The following ITGA10 variants were observed in gnomAD, a reference collection of about 807,000 sequenced individuals.
The protein encoded by ITGA10 is integrin subunit alpha 10.
In ITGA10, 105 loss-of-function variants were observed where a neutral mutation model predicts 145.2. That is an observed-to-expected ratio of 0.72 (90% CI 0.62 to 0.85). ITGA10 has a LOEUF of 0.85. ITGA10 is among the 40% of genes least tolerant of loss of function. ITGA10 has a pLI of 0.00. For missense variants in ITGA10, 1,317 were observed against 1,444.5 expected (o/e 0.91, Z 1.43); for synonymous variants, 506 against 557.8 (o/e 0.91, Z 1.31).
At chr1:145,903,847 G>A (rs1228028152) in intron 7 of ITGA10, among the ~76,000 whole-genome samples, 1 of 151,922 alleles carries the variant, frequency 6.6e-6, no homozygotes, top group Non-Finnish European at 1.5e-5. Flanking sequence ...GCGCCACCAT[G>A]CCTGGCTAAT....
At chr1:145,905,026 A>ATATATATG (rs1293647533) in intron 5 of ITGA10, among the ~76,000 whole-genome samples, 17 of 152,050 alleles carry the variant, frequency 1.1e-4, no homozygotes, top group African/African-American at 4.1e-4. Flanking sequence ...ATATAAATGT[A>ATATATATG]TATATATGTA....
chr1:145,901,035 C>T lies in ITGA10; in HGVS notation c.1588-42G>A, dbSNP rs782796038. ...GATAGAAGATGCTAATCTGGCAGAC[C>T]CAACCTCTCAGCAAACCCTCAAATA... On this transcript the variant is annotated intron_variant, in intron 13 of 29. Coordinates refer to ENST00000369304, the MANE Select transcript of ITGA10 (RefSeq NM_003637.5). The surrounding 1 kb of genome is among the most constrained non-coding windows in gnomAD (Gnocchi z 4.3). 1.9e-6 allele frequency: 3 copies of T among 1,613,120 alleles called. No individual in the cohort carries two copies. The highest frequency in any genetic ancestry group is 2.5e-6 in the Non-Finnish European group (3 of 1,179,308).
Position 145,899,005 on chromosome 1 carries a change from C to G in ITGA10, c.2163G>C (p.Arg721Ser). The G allele has an allele frequency of 6.2e-7, 1 of 1,614,246 alleles. No individual in the cohort carries two copies. Among genetic ancestry groups the G allele is most frequent in the Non-Finnish European group, 8.5e-7 (1 of 1,180,048 alleles). ...TGAGCCGGAGCCTCCGAGGGGACAA[C>G]CTCTGGCCAGAGCCATCAAATGCTG... is the stretch of plus-strand genomic sequence containing the variant. ...ARAAFDGSGQ[R>S]LSPRRLRLSV... Residue 721 changes from arginine (R) to serine (S), a missense_variant, in exon 17 of 30, where the codon AGG (arginine) becomes AGC (serine). Transcript: ENST00000369304.
chr1:145,893,673 C>A, intron 27 of ITGA10, 38 bp from the exon 28 acceptor site: 5 of 1,503,688 alleles, frequency 3.3e-6, no homozygotes, highest in Non-Finnish European at 4.6e-6. Context: ...TTAAAATGAG[C>A]CATTATCAGG....
At position 145,902,958 on chromosome 1, in the gene ITGA10, T is replaced by C; in HGVS notation, c.762A>G (p.Thr254=). 2 of 1,595,838 alleles carry C rather than the reference T, an allele frequency of 1.3e-6. No individual in the cohort carries two copies. Among genetic ancestry groups the C allele is most frequent in the Middle Eastern group, 3.4e-4 (2 of 5,944 alleles). ...KTAQAIMVAC[T]EGFSQSHGGR... The stretch of plus-strand genomic sequence containing the variant: ...CCCCATGGGACTGACTGAACCCTTC[T>C]GTGCTGAGAAGAGAAAGGAGTGAGG... The change falls in exon 8 of 30, where the codon ACA becomes ACG. Residue 254 remains threonine (T), a synonymous_variant. Coordinates refer to ENST00000369304, the MANE Select transcript of ITGA10 (RefSeq NM_003637.5).
intron 24 of ITGA10, 68 bp from the exon 25 acceptor site, chr1:145,896,164 C>G: frequency 3.4e-6 from 5 of 1,488,180 alleles, no homozygotes; most frequent in Non-Finnish European, 4.7e-6. Context: ...TTCCCCTTCA[C>G]CCTAGATACC....
At position 145,893,551 on chromosome 1, in the gene ITGA10, G is replaced by A. The variant is rs373572723; in HGVS notation, c.3313C>T (p.Arg1105Cys). ...GSVLQLTEAS[R>C]WSESLLEVVQ... Reference sequence around the variant, plus strand: ...GTCTCCAGCCCTACCTCACTCCAACGGGAGGCTTCAGTCAGCTGTAGGACA... The same window carrying A: ...GTCTCCAGCCCTACCTCACTCCAACAGGAGGCTTCAGTCAGCTGTAGGACA... Residue 1105 changes from arginine (R) to cysteine (C), a missense_variant, in exon 28 of 30, where the codon CGT becomes TGT. Coordinates refer to ENST00000369304, the MANE Select transcript of ITGA10 (RefSeq NM_003637.5). 11 of 1,610,704 alleles carry A rather than the reference G, an allele frequency of 6.8e-6. No homozygotes were observed. The highest frequency in any genetic ancestry group is 2.2e-5 in the East Asian group (1 of 44,770).
chr1:145,902,296 A>G lies in ITGA10; in HGVS notation c.1099T>C (p.Ser367Pro). ...LEGSHAENES[S>P]FGLEMSQIGF... ...ATCTGAGACATTTCCAGCCCAAAGG[A>G]GCTTTCGTTTTCTGCATGGGACCCT... The change falls in exon 10 of 30, where the codon TCC becomes CCC. Residue 367 changes from serine (S) to proline (P), a missense_variant. By Grantham distance (74) the Ser-to-Pro change is moderately conservative. Transcript: ENST00000369304. 2 of 1,614,122 alleles carry G rather than the reference A, an allele frequency of 1.2e-6. No individual in the cohort carries two copies. The highest frequency in any genetic ancestry group is 1.7e-6 in the Non-Finnish European group (2 of 1,180,016).
intron 15 of ITGA10, 98 bp from the exon 16 acceptor site, chr1:145,899,439 G>C (rs2101783584): frequency 7.3e-7 from 1 of 1,372,104 alleles, no homozygotes; most frequent in East Asian, 2.3e-5. Context: ...AACAAAGAAG[G>C]AGGGGCTGAA....
intron 28 of ITGA10, 66 bp downstream of exon 28, chr1:145,893,474 G>T: frequency 7.7e-7 from 1 of 1,295,852 alleles, no homozygotes; most frequent in East Asian, 2.5e-5. Flanking sequence ...AAAAGCCCAC[G>T]GGTGGCCCTA....
Position 145,897,235 on chromosome 1 carries a change from A to C in ITGA10, c.2667+12T>G, listed in dbSNP as rs1553745514. ...TCCTAGAGCCCTCTTTTCATCCTAG[A>C]CCCCAACCCACCTTGGCTCCAGTCT... On this transcript the variant is annotated intron_variant, in intron 21 of 29. Coordinates refer to ENST00000369304, the MANE Select transcript of ITGA10 (RefSeq NM_003637.5). 6.2e-7 allele frequency: 1 copy of C among 1,613,118 alleles called. No homozygotes were observed.
chr1:145,901,896 C>G lies in ITGA10; in HGVS notation c.1275G>C (p.Gln425His). Residue 425 changes from glutamine (Q) to histidine (H), a missense_variant, in exon 11 of 30, where the codon CAG becomes CAC. Transcript: ENST00000369304. The surrounding 1 kb of genome is among the most constrained non-coding windows in gnomAD (Gnocchi z 4.3). ...ALEDEFPPALQNHAAYLGYSV... is the reference protein window; with the variant it reads ...ALEDEFPPALHNHAAYLGYSV... ...GCTCACCCAGGTAGGCTGCATGGTT[C>G]TGCAATGCAGGGGGGAACTCGTCTT... 3 of 1,614,126 alleles carry G rather than the reference C, an allele frequency of 1.9e-6. No individual in the cohort carries two copies. The South Asian group carries it at 3.3e-5, about 18-fold the overall frequency.
At position 145,897,389 on chromosome 1, in the gene ITGA10, T is replaced by C. The variant is rs782159402; in HGVS notation, c.2575-50A>G. Reference sequence around the variant, plus strand: ...AAGCTGGAGCTGGGGCTGCAACTGCTGTCCTACCCACAGCCTCTAAACACT... The same window carrying C: ...AAGCTGGAGCTGGGGCTGCAACTGCCGTCCTACCCACAGCCTCTAAACACT... On this transcript the variant is annotated intron_variant, in intron 20 of 29. Coordinates refer to ENST00000369304, the MANE Select transcript of ITGA10 (RefSeq NM_003637.5). The C allele has an allele frequency of 8.1e-6, 13 of 1,601,406 alleles. No individual in the cohort carries two copies. In the Admixed American group the frequency reaches 2.0e-4, roughly 25 times the overall value.
intron 5 of ITGA10, chr1:145,906,016 T>C (rs1657085488): frequency 5.2e-6 from 1 of 191,590 alleles, no homozygotes; most frequent in African/African-American, 2.4e-5. Flanking sequence ...ACCTCCTGGG[T>C]TGAAGTGAGA....
At chr1:145,902,359 A>C in intron 9 of ITGA10, 40 bp from the exon 10 acceptor site, 1 of 1,603,550 alleles carries the variant, frequency 6.2e-7, no homozygotes, top group Non-Finnish European at 8.5e-7. Context: ...TCAGGGGAAG[A>C]CAGTTTCCCC....
Position 145,907,106 on chromosome 1 carries a change from C to CT in ITGA10, c.208dup (p.Arg70LysfsTer24). ...TACAGGGCAGCGATAAACGTCCCCC[C>CT]TCCGGTCGCCTGAAGGCCCATCCCA... On this transcript the variant is annotated frameshift_variant, in exon 3 of 30. Coordinates refer to ENST00000369304, the MANE Select transcript of ITGA10 (RefSeq NM_003637.5). LOFTEE classifies it high-confidence loss of function. The CT allele has an allele frequency of 6.4e-7, 1 of 1,564,016 alleles. No homozygotes were observed. The highest frequency in any genetic ancestry group is 1.2e-5 in the South Asian group (1 of 84,950).
intron 1 of ITGA10, among the ~76,000 whole-genome samples, chr1:145,909,423 A>ATT (rs1553752467): frequency 0.059 from 8,198 of 138,948 alleles, 1,115 homozygotes; most frequent in African/African-American, 0.22. Context: ...AAATAATAAT[A>ATT]ATTATTATAT....
rs1553743603 is a variant in ITGA10, at chr1:145,892,800, A to G, written c.3502T>C (p.Ter1168ArgextTer2). 2.5e-6 allele frequency: 4 copies of G among 1,611,260 alleles called. No homozygotes were observed. Among genetic ancestry groups the G allele is most frequent in the Non-Finnish European group, 2.5e-6 (3 of 1,177,502 alleles). Reference sequence around the variant, plus strand: ...CTTTCTAGACCCTTATTCTACATTCATTGCTCCAACTTCTCTTCTCTTTTT... The same window carrying G: ...CTTTCTAGACCCTTATTCTACATTCGTTGCTCCAACTTCTCTTCTCTTTTT... ...EEKREEKLEQ* is the reference protein window; with the variant it reads ...EEKREEKLEQR The change falls in exon 30 of 30, where the codon TGA becomes CGA. Residue 1168 changes from the stop codon to arginine (R), a stop_lost. Coordinates refer to ENST00000369304, the MANE Select transcript of ITGA10 (RefSeq NM_003637.5).
At chr1:145,899,714 T>C (rs888553021) in intron 15 of ITGA10, among the ~76,000 whole-genome samples, 11 of 152,098 alleles carry the variant, frequency 7.2e-5, no homozygotes, top group Non-Finnish European at 1.3e-4. Flanking sequence ...TTTCACCATG[T>C]TGGTCAGGCT....
Sources: gnomAD v4.1 joint callset for allele counts (sites outside exome capture counted in the v4.1 genomes callset) on GRCh38, gnomAD v4.1.1 for gene constraint, Gnocchi (gnomAD v3.1) non-coding constraint, MANE v1.5 for transcripts, NCBI Gene and HGNC (gene_info 2026-07-23, HGNC 2026-07-21) for gene names.